Variants in ETV6 observed in about 807,000 individuals in gnomAD.
ETV6 encodes the protein ETS variant transcription factor 6.
A neutral mutation model predicts 51.1 loss-of-function variants in ETV6; 16 were observed. That is an observed-to-expected ratio of 0.31 (90% CI 0.21 to 0.48). The LOEUF is 0.48. Ranked by LOEUF, ETV6 falls within the 20% of genes least tolerant of loss-of-function variation. The probability of loss-of-function intolerance (pLI) is 0.99; values close to 1 mark genes in which losing one functional copy is unlikely to be tolerated. For synonymous variants in ETV6, 240 were observed against 224.1 expected (o/e 1.07, Z -0.64); for missense variants, 458 against 594.8 (o/e 0.77, Z 2.39).
At chr12:11,831,908 A>G (rs1946250993) in intron 2 of ETV6, among the ~76,000 whole-genome samples, 1 of 152,232 alleles carries the variant, frequency 6.6e-6, no homozygotes, top group South Asian at 2.1e-4. Flanking sequence ...GATTCTGAGA[A>G]GTTAACATTT....
At chr12:11,856,818 A>G (rs1336610571) in intron 4 of ETV6, among the ~76,000 whole-genome samples, 1 of 151,806 alleles carries the variant, frequency 6.6e-6, no homozygotes, top group Non-Finnish European at 1.5e-5. Context: ...TCTGGTTCTG[A>G]AAAAAAAATC....
At chr12:11,759,175 G>GA (rs901888217) in intron 2 of ETV6, among the ~76,000 whole-genome samples, 4 of 146,178 alleles carry the variant, frequency 2.7e-5, no homozygotes, top group African/African-American at 1.0e-4. Flanking sequence ...TTTTTTTTAA[G>GA]AAAAAAAATA....
At chr12:11,683,068 C>G (rs1170801866) in intron 1 of ETV6, among the ~76,000 whole-genome samples, 3 of 152,166 alleles carry the variant, frequency 2.0e-5, no homozygotes, top group Admixed American at 6.5e-5. Context: ...GAACATGTGA[C>G]TTTTTGAGAT....
chr12:11,747,542 C>G (rs1347927690), intron 1 of ETV6, among the ~76,000 whole-genome samples: 1 of 152,034 alleles, frequency 6.6e-6, no homozygotes, highest in African/African-American at 2.4e-5. Context: ...TGGGGAGATT[C>G]CAAAAATGTT....
At chr12:11,890,181 T>C (rs1013247271) in intron 7 of ETV6, among the ~76,000 whole-genome samples, 3 of 151,088 alleles carry the variant, frequency 2.0e-5, no homozygotes, top group South Asian at 2.1e-4. Flanking sequence ...TAAGTTGTCC[T>C]ATTGTCAGCA....
At chr12:11,796,732 A>G (rs1164625879) in intron 2 of ETV6, among the ~76,000 whole-genome samples, 1 of 150,758 alleles carries the variant, frequency 6.6e-6, no homozygotes, top group African/African-American at 2.4e-5. Flanking sequence ...CTTTTAAGAC[A>G]TTGAATAGCA....
intron 1 of ETV6, among the ~76,000 whole-genome samples, chr12:11,719,419 C>A (rs1479311714): frequency 6.6e-6 from 1 of 152,220 alleles, no homozygotes; most frequent in African/African-American, 2.4e-5. Context: ...AGTAAGTGCT[C>A]TGTATAGACA....
chr12:11,670,660 T>A (rs1864296111), intron 1 of ETV6, among the ~76,000 whole-genome samples: 2 of 152,212 alleles, frequency 1.3e-5, no homozygotes, highest in East Asian at 1.9e-4. Context: ...CACACTCTTC[T>A]GAGTATAACT....
At chr12:11,823,265 A>G (rs1051153917) in intron 2 of ETV6, among the ~76,000 whole-genome samples, 3 of 152,156 alleles carry the variant, frequency 2.0e-5, no homozygotes, top group Admixed American at 6.5e-5. Flanking sequence ...AACTTGGGAA[A>G]GACTAACTTG....
intron 1 of ETV6, among the ~76,000 whole-genome samples, chr12:11,720,422 C>T (rs1480221440): frequency 6.6e-6 from 1 of 152,180 alleles, no homozygotes; most frequent in Non-Finnish European, 1.5e-5. Flanking sequence ...GTTTCCCTGT[C>T]TGTAAAATCA....
At chr12:11,735,674 C>T (rs1334777675) in intron 1 of ETV6, among the ~76,000 whole-genome samples, 2 of 152,160 alleles carry the variant, frequency 1.3e-5, no homozygotes, top group Non-Finnish European at 2.9e-5. Flanking sequence ...AATCTCGGCT[C>T]GCCACAACCT....
At chr12:11,693,628 A>G (rs979154533) in intron 1 of ETV6, among the ~76,000 whole-genome samples, 9 of 152,194 alleles carry the variant, frequency 5.9e-5, no homozygotes, top group African/African-American at 2.2e-4. Flanking sequence ...TTTTCTGTCC[A>G]GGGTCTGGAC....
At chr12:11,692,341 C>A (rs999052195) in intron 1 of ETV6, among the ~76,000 whole-genome samples, 1 of 152,174 alleles carries the variant, frequency 6.6e-6, no homozygotes, top group Non-Finnish European at 1.5e-5. Context: ...TGACCTTGGA[C>A]TCCCTAGCCT....
intron 1 of ETV6, among the ~76,000 whole-genome samples, chr12:11,666,491 T>C (rs1053261407): frequency 4.6e-5 from 7 of 152,226 alleles, no homozygotes; most frequent in Non-Finnish European, 8.8e-5. Context: ...CCCAGTGACA[T>C]TTATTTAAAG....
At chr12:11,817,886 AG>A (rs1184627853) in intron 2 of ETV6, among the ~76,000 whole-genome samples, 1 of 152,242 alleles carries the variant, frequency 6.6e-6, no homozygotes, top group African/African-American at 2.4e-5. Context: ...GTTCTCTGGA[AG>A]CAAAAAGACA....
At chr12:11,853,704 TAC>T in intron 4 of ETV6, 143 bp downstream of exon 4, 2 of 930,744 alleles carry the variant, frequency 2.1e-6, no homozygotes, top group Non-Finnish European at 3.2e-6. Flanking sequence ...ATGTACAAAA[TAC>T]ACTCTTGGTT....
rs1174884984 is a variant in ETV6 at position 11,825,435 on chromosome 12, T to TG, written c.164-13701dup. Among the ~76,000 whole-genome samples, 3 of 152,200 alleles carry TG rather than the reference T, an allele frequency of 2.0e-5. No individual in the cohort carries two copies. The East Asian group carries it at 5.8e-4, about 29-fold the overall frequency. ...TCACCACGTGGATAATAGGAGTCTC[T>TG]GGGGAAAAAACCACAAAGCAAGCTT... is the stretch of plus-strand genomic sequence containing the variant. On this transcript the variant is annotated intron_variant, in intron 2 of 7. Transcript: ENST00000396373.
intron 1 of ETV6, among the ~76,000 whole-genome samples, chr12:11,685,275 T>G (rs188350069): frequency 7.0e-4 from 106 of 151,682 alleles, no homozygotes; most frequent in Non-Finnish European, 1.4e-3. Flanking sequence ...TGATACCTTT[T>G]GGTCGATTTG....
intron 1 of ETV6, among the ~76,000 whole-genome samples, chr12:11,703,859 A>G (rs1244959055): frequency 2.6e-5 from 4 of 152,232 alleles, no homozygotes; most frequent in Admixed American, 2.6e-4. Flanking sequence ...GAGATAAGTA[A>G]TTGACTGACC....
Sources: gnomAD v4.1 joint callset for allele counts (sites outside exome capture counted in the v4.1 genomes callset) on GRCh38, gnomAD v4.1.1 for gene constraint, MANE v1.5 for transcripts, NCBI Gene and HGNC (gene_info 2026-07-23, HGNC 2026-07-21) for gene names.